The following CYTH1 variants were observed in gnomAD, a reference collection of about 807,000 sequenced individuals.
The protein encoded by CYTH1 is cytohesin 1, also known as cytohesin-1.
Under a neutral mutation model 61.8 loss-of-function variants are expected in CYTH1, and 18 were observed. The ratio of observed to expected loss-of-function variants is 0.29; its 90% CI spans 0.20 to 0.43. CYTH1 has a LOEUF of 0.43. Ranked by LOEUF, CYTH1 falls within the 20% of genes least tolerant of loss-of-function variation. CYTH1 has a pLI of 1.00. For synonymous variants in CYTH1, 174 were observed against 184.3 expected (o/e 0.94, Z 0.45); for missense variants, 336 against 510.5 (o/e 0.66, Z 3.29).
Position 78,766,873 on chromosome 17 carries a change from C to T in CYTH1, c.22+15329G>A, listed in dbSNP as rs561814213. On this transcript the variant is annotated intron_variant, in intron 1 of 13. Coordinates refer to ENST00000446868, the MANE Select transcript of CYTH1 (RefSeq NM_004762.6). ...TAGAAAAAGCCCATTCAAAGCATGG[C>T]CTGTGCATGGAGCCTGAGAAATCTA... 1.2e-4 allele frequency among the ~76,000 whole-genome samples: 19 copies of T among 152,270 alleles called. No homozygotes were observed. The South Asian group carries it at 3.9e-3, about 32-fold the overall frequency.
chr17:78,686,612 G>T (rs996092683), intron 11 of CYTH1, among the ~76,000 whole-genome samples: 6 of 152,244 alleles, frequency 3.9e-5, no homozygotes, highest in African/African-American at 1.2e-4. Flanking sequence ...CTCTCGGATT[G>T]TAAGTATCCA....
At chr17:78,730,231 T>A (rs545532245) in intron 1 of CYTH1, among the ~76,000 whole-genome samples, 12 of 152,034 alleles carry the variant, frequency 7.9e-5, no homozygotes, top group African/African-American at 2.7e-4. Context: ...AAGGCGTCAA[T>A]AGTCACTGAC....
At chr17:78,762,580 T>C (rs933653526) in intron 1 of CYTH1, among the ~76,000 whole-genome samples, 13 of 152,180 alleles carry the variant, frequency 8.5e-5, no homozygotes, top group African/African-American at 2.2e-4. Context: ...ACATGTTAAA[T>C]TCCATGGCAA....
intron 1 of CYTH1, among the ~76,000 whole-genome samples, chr17:78,727,103 A>G (rs1026812555): frequency 6.6e-6 from 1 of 152,214 alleles, no homozygotes; most frequent in African/African-American, 2.4e-5. Context: ...CAAGGAATAC[A>G]TTCAAATCTC....
intron 2 of CYTH1, 22 bp downstream of exon 2, chr17:78,709,628 A>C (rs1273112834): frequency 2.5e-5 from 40 of 1,613,226 alleles, no homozygotes; most frequent in Non-Finnish European, 3.2e-5. Flanking sequence ...ACGTTGGTGA[A>C]ACCACCATGC....
At chr17:78,767,007 G>T (rs532966349) in intron 1 of CYTH1, among the ~76,000 whole-genome samples, 1 of 152,272 alleles carries the variant, frequency 6.6e-6, no homozygotes, top group East Asian at 1.9e-4. Flanking sequence ...CACCCACAGG[G>T]TAACTGTGAG....
chr17:78,698,281 G>C lies in CYTH1; in HGVS notation c.799C>G (p.Leu267Val), dbSNP rs563411933. Reference sequence around the variant, plus strand: ...GAGGTGCGCTTACCGAGTTTCAATAGCCAGCCTTCTCGGTCTGGATTGAAG... The same window carrying C: ...GAGGTGCGCTTACCGAGTTTCAATACCCAGCCTTCTCGGTCTGGATTGAAG... ...TFFNPDREGWLLKLGGGRVKT... is the reference protein window; with the variant it reads ...TFFNPDREGWVLKLGGGRVKT... Residue 267 changes from leucine (L) to valine (V), a missense_variant, in exon 9 of 14, where the codon CTA becomes GTA. This residue lies in a region of CYTH1 where 16 missense variants were observed against 57.9 expected (regional missense o/e 0.28). Coordinates refer to ENST00000446868, the MANE Select transcript of CYTH1 (RefSeq NM_004762.6). The C allele has an allele frequency of 6.2e-7, 1 of 1,613,284 alleles. No individual in the cohort carries two copies. The highest frequency in any genetic ancestry group is 8.5e-7 in the Non-Finnish European group (1 of 1,179,638).
chr17:78,731,844 T>G lies in CYTH1; in HGVS notation c.23-22112A>C, dbSNP rs144685943. On this transcript the variant is annotated intron_variant, in intron 1 of 13. Coordinates refer to ENST00000446868, the MANE Select transcript of CYTH1 (RefSeq NM_004762.6). ...AAGAAAGGCAGAGACAAGAACACTATAAATCCAGTAAAGTTGCCTTTGCAG... is the reference window on the plus strand; with the variant it reads ...AAGAAAGGCAGAGACAAGAACACTAGAAATCCAGTAAAGTTGCCTTTGCAG... Among the ~76,000 whole-genome samples, 6 of 151,722 alleles carry G rather than the reference T, an allele frequency of 4.0e-5. No homozygotes were observed. The East Asian group carries it at 1.2e-3, about 29-fold the overall frequency.
At chr17:78,759,362 G>A (rs893815219) in intron 1 of CYTH1, among the ~76,000 whole-genome samples, 3 of 152,180 alleles carry the variant, frequency 2.0e-5, no homozygotes, top group African/African-American at 7.2e-5. Flanking sequence ...TTCATCCAAC[G>A]GGGTAGGCAA....
chr17:78,753,215 G>A (rs974496057), intron 1 of CYTH1, among the ~76,000 whole-genome samples: 3 of 152,128 alleles, frequency 2.0e-5, no homozygotes, highest in African/African-American at 7.2e-5. Context: ...ATCCTAGCAC[G>A]TTGGGAGGCT....
intron 1 of CYTH1, among the ~76,000 whole-genome samples, chr17:78,751,970 G>A (rs561366531): frequency 3.3e-5 from 5 of 152,172 alleles, no homozygotes; most frequent in Admixed American, 2.0e-4. Context: ...CCCTGACCTC[G>A]AATGATCTGC....
chr17:78,681,099 C>CAA (rs1275756495), intron 11 of CYTH1, 57 bp from the exon 12 acceptor site: 2 of 1,559,762 alleles, frequency 1.3e-6, no homozygotes, highest in Non-Finnish European at 1.8e-6. Flanking sequence ...CACACACTGT[C>CAA]AGATTCCTCG....
At chr17:78,699,000 T>C (rs761499556) in intron 7 of CYTH1, 32 bp from the exon 8 acceptor site, 1 of 1,603,562 alleles carries the variant, frequency 6.2e-7, no homozygotes, top group Admixed American at 1.7e-5. Context: ...AGGGGAGCCG[T>C]TGCATGCTCA....
chr17:78,703,411 CAAA>C (rs67437891), intron 3 of CYTH1, among the ~76,000 whole-genome samples: 34 of 69,684 alleles, frequency 4.9e-4, no homozygotes, highest in African/African-American at 1.7e-3. Flanking sequence ...ACTCCGTCTC[CAAA>C]AAAAAAAAAA....
At chr17:78,696,358 G>C (rs535914172) in intron 9 of CYTH1, among the ~76,000 whole-genome samples, 2 of 152,336 alleles carry the variant, frequency 1.3e-5, no homozygotes, top group Admixed American at 6.5e-5. Context: ...GAAAGCTAAG[G>C]TTATTTCAGG....
chr17:78,781,614 C>T (rs551446332), intron 1 of CYTH1, among the ~76,000 whole-genome samples: 33 of 152,220 alleles, frequency 2.2e-4, no homozygotes, highest in African/African-American at 7.5e-4. Flanking sequence ...GCCCGCGCCT[C>T]GCCGGCGGCG....
Position 78,692,513 on chromosome 17 carries a change from G to C in CYTH1, c.815-20C>G. 1 of 1,613,146 alleles carries C rather than the reference G, an allele frequency of 6.2e-7. No individual in the cohort carries two copies. The highest frequency in any genetic ancestry group is 8.5e-7 in the Non-Finnish European group (1 of 1,179,296). On this transcript the variant is annotated intron_variant, in intron 10 of 13. Coordinates refer to ENST00000446868, the MANE Select transcript of CYTH1 (RefSeq NM_004762.6). ...TGCCACCTGCAGAGCAAAAAGAGAT[G>C]CACGTTCGACAAGAGACAACCAGAC... is the stretch of plus-strand genomic sequence containing the variant.
chr17:78,680,471 T>C (rs1284942517), intron 12 of CYTH1, 127 bp from the exon 13 acceptor site: 2 of 1,119,424 alleles, frequency 1.8e-6, no homozygotes, highest in Non-Finnish European at 2.5e-6. Context: ...CATATTTTCC[T>C]GTGGAAAAGT....
Position 78,732,218 on chromosome 17 carries a change from G to A in CYTH1, c.23-22486C>T, listed in dbSNP as rs1208873261. ...AAGATACCTGCCTTTTCTCTCCACC[G>A]ATACTGACATCTTAGAAAATTCCAC... On this transcript the variant is annotated intron_variant, in intron 1 of 13. Coordinates refer to ENST00000446868, the MANE Select transcript of CYTH1 (RefSeq NM_004762.6). Among the ~76,000 whole-genome samples the A allele has an allele frequency of 2.0e-5, 3 of 152,022 alleles. No homozygotes were observed. The East Asian group carries it at 5.8e-4, about 29-fold the overall frequency.
Sources: allele counts gnomAD v4.1 joint callset (sites outside exome capture counted in the v4.1 genomes callset), GRCh38; gene constraint gnomAD v4.1.1; regional missense constraint gnomAD v4.1.1; transcripts MANE v1.5; gene names NCBI Gene and HGNC (gene_info 2026-07-23, HGNC 2026-07-21).